The following YLPM1 variants were observed in gnomAD, a reference collection of about 807,000 sequenced individuals.
The protein encoded by YLPM1 is YLP motif-containing protein 1.
In YLPM1, 99 loss-of-function variants were observed where a neutral mutation model predicts 230.0. The ratio of observed to expected loss-of-function variants is 0.43; its 90% CI spans 0.37 to 0.51. The LOEUF (loss-of-function observed/expected upper bound fraction) is 0.51. Among genes scored for constraint, YLPM1 ranks in the 20% least tolerant of loss-of-function variants. The pLI is 0.00. For synonymous variants in YLPM1, 984 were observed against 942.5 expected (o/e 1.04, Z -0.81); for missense variants, 2,592 against 2,707.7 (o/e 0.96, Z 0.95).
At chr14:74,802,470 C>T in intron 5 of YLPM1, 86 bp from the exon 6 acceptor site, 6 of 1,459,780 alleles carry the variant, frequency 4.1e-6, no homozygotes, top group East Asian at 4.9e-5. Flanking sequence ...TTTTAGGTCT[C>T]CTTTTTTTAA....
rs2091091179 is a variant in YLPM1, at chr14:74,781,459, A to C, written c.1416A>C (p.Lys472Asn). 1 of 1,613,020 alleles carries C rather than the reference A, an allele frequency of 6.2e-7. No individual in the cohort carries two copies. Reference sequence around the variant, plus strand: ...AACAACTCCATTCCTATCCTCATAAAGATCAGCTTCAGGAGTATGAGAAGC... The same window carrying C: ...AACAACTCCATTCCTATCCTCATAACGATCAGCTTCAGGAGTATGAGAAGC... ...WEEQLHSYPH[K>N]DQLQEYEKQW... is the part of the protein sequence containing the mutation. The change falls in exon 4 of 21, where the codon AAA (lysine) becomes AAC (asparagine). Residue 472 changes from lysine to asparagine, a missense_variant. Transcript: ENST00000325680.
intron 11 of YLPM1, among the ~76,000 whole-genome samples, chr14:74,813,398 G>A (rs982369274): frequency 1.3e-5 from 2 of 150,768 alleles, no homozygotes; most frequent in Admixed American, 6.6e-5. Flanking sequence ...TGTGTCTCCT[G>A]TAGTATGCCT....
At position 74,764,104 on chromosome 14, in the gene YLPM1, T is replaced by G. The variant is rs1313025211; in HGVS notation, c.615T>G (p.Pro205=). The G allele has an allele frequency of 1.2e-6, 2 of 1,611,900 alleles. No homozygotes were observed. Among genetic ancestry groups the G allele is most frequent in the East Asian group, 2.2e-5 (1 of 44,704 alleles). The stretch of plus-strand genomic sequence containing the variant: ...CCCAATCCTACCTGGCGCCCACCCC[T>G]TCTTACTCATCCTCCTCCTCTTCCT... ...PPSQSYLAPT[P]SYSSSSSSSQ... Residue 205 remains proline, a synonymous_variant, in exon 1 of 21, where the codon CCT becomes CCG. Transcript: ENST00000325680.
At chr14:74,785,824 A>G (rs1358623526) in intron 4 of YLPM1, among the ~76,000 whole-genome samples, 2 of 152,230 alleles carry the variant, frequency 1.3e-5, no homozygotes, top group East Asian at 3.8e-4. Flanking sequence ...AAGTCATGTG[A>G]CAAAACTGCA....
intron 11 of YLPM1, among the ~76,000 whole-genome samples, chr14:74,815,366 A>T (rs1339030063): frequency 6.6e-6 from 1 of 152,068 alleles, no homozygotes; most frequent in Admixed American, 6.5e-5. Context: ...GTTCAAGACC[A>T]GCCTGGTCAA....
chr14:74,784,718 A>G (rs2091129815), intron 4 of YLPM1, among the ~76,000 whole-genome samples: 1 of 152,246 alleles, frequency 6.6e-6, no homozygotes, highest in African/African-American at 2.4e-5. Context: ...CTCTGGAGCA[A>G]CACAGAATGA....
At chr14:74,819,794 T>A (rs2091506663) in intron 16 of YLPM1, among the ~76,000 whole-genome samples, 1 of 152,230 alleles carries the variant, frequency 6.6e-6, no homozygotes, top group Admixed American at 6.5e-5. Context: ...TTTTGTGAAT[T>A]CACATTTTTC....
Position 74,810,613 on chromosome 14 carries a change from A to C in YLPM1, c.5228+193A>C, listed in dbSNP as rs142474764. Among the ~76,000 whole-genome samples the C allele has an allele frequency of 1.3e-3, 193 of 152,310 alleles. 1 individual carries two copies. The highest frequency in any genetic ancestry group is 4.6e-3 in the African/African-American group (191 of 41,554). On this transcript the variant is annotated intron_variant, in intron 9 of 20. Coordinates refer to ENST00000325680, the MANE Select transcript of YLPM1 (RefSeq NM_019589.3). ...TGGTAGCTTGAATTCCAGAGAATTA[A>C]ATGGGAGATGGAGATAGCCAGAAGG...
chr14:74,818,273 C>A lies in YLPM1; in HGVS notation c.5989C>A (p.Leu1997Ile). The change falls in exon 16 of 21, where the codon CTA (leucine) becomes ATA (isoleucine). Residue 1997 changes from leucine (L) to isoleucine (I), a missense_variant. By Grantham distance (5) the Leu-to-Ile change is conservative (BLOSUM62 2). Around this residue, in one of 4 missense-constraint regions of YLPM1, gnomAD observed 315 missense variants for 429.3 expected, o/e 0.73. Coordinates refer to ENST00000325680, the MANE Select transcript of YLPM1 (RefSeq NM_019589.3). ...WETAPRHMMR[L>I]DIRSLLQDAA... is the part of the protein sequence containing the mutation. ...AACTGCACCTCGTCACATGATGCGT[C>A]TAGATATTCGTTCTTTGCTGCAAGA... 1 of 1,606,214 alleles carries A rather than the reference C, an allele frequency of 6.2e-7. No individual in the cohort carries two copies. Among genetic ancestry groups the A allele is most frequent in the Non-Finnish European group, 8.5e-7 (1 of 1,176,556 alleles).
chr14:74,833,676 C>CTAT (rs1386928886), intron 19 of YLPM1, among the ~76,000 whole-genome samples: 1 of 152,170 alleles, frequency 6.6e-6, no homozygotes, highest in Non-Finnish European at 1.5e-5. Context: ...AGACATTGAG[C>CTAT]CATAGGTTTT....
At position 74,821,153 on chromosome 14, in the gene YLPM1, A is replaced by G. The variant is rs2091517257; in HGVS notation, c.6111+16A>G. On this transcript the variant is annotated intron_variant, in intron 17 of 20. Coordinates refer to ENST00000325680, the MANE Select transcript of YLPM1 (RefSeq NM_019589.3). ...AAGCGAACTGGTAGGAGACAGACCAACCACTTTGAACAGTGTCTCTTTATT... is the reference window on the plus strand; with the variant it reads ...AAGCGAACTGGTAGGAGACAGACCAGCCACTTTGAACAGTGTCTCTTTATT... The G allele has an allele frequency of 2.0e-6, 3 of 1,532,436 alleles. No individual in the cohort carries two copies. The highest frequency in any genetic ancestry group is 1.4e-5 in the African/African-American group (1 of 71,964). 94.9% of individuals were successfully genotyped at this position (1,532,436 alleles called of 1,614,324 possible).
intron 18 of YLPM1, chr14:74,827,811 CTG>C: frequency 1.0e-6 from 1 of 985,334 alleles, no homozygotes; most frequent in Non-Finnish European, 1.2e-6. Context: ...ACCTGTGTCC[CTG>C]TGCAGTCAGG....
In YLPM1 at chr14:74,837,066, CT is replaced by C. The variant is rs1314689037; in HGVS notation, c.*1332del. 1 of 152,148 alleles carries C rather than the reference CT, an allele frequency of 6.6e-6. No individual in the cohort carries two copies. Among genetic ancestry groups the C allele is most frequent in the Non-Finnish European group, 1.5e-5 (1 of 68,020 alleles). The allele number at this position is 152,148 out of a possible 1,614,324, so 9.4% of individuals were successfully genotyped here. A position where few individuals can be genotyped will look rare whatever the true frequency, so the allele number is the denominator to read the frequency against. On this transcript the variant is annotated 3_prime_UTR_variant, in exon 21 of 21. Coordinates refer to ENST00000325680, the MANE Select transcript of YLPM1 (RefSeq NM_019589.3). ...TCAGGCCACAGATGAAAATCCTTTA[CT>C]TTTATGACCTACATTAAAGACTGTA...
chr14:74,817,174 T>C lies in YLPM1; in HGVS notation c.5863-20T>C. 6.3e-7 allele frequency: 1 copy of C among 1,596,338 alleles called. No homozygotes were observed. Among genetic ancestry groups the C allele is most frequent in the Non-Finnish European group, 8.5e-7 (1 of 1,171,296 alleles). On this transcript the variant is annotated intron_variant, in intron 14 of 20. Coordinates refer to ENST00000325680, the MANE Select transcript of YLPM1 (RefSeq NM_019589.3). The stretch of plus-strand genomic sequence containing the variant: ...TAAATGTTATATATCTTTGCCTAAT[T>C]ATTATTCATTCTTGCTTAGGTATAT...
rs1367611649 is a variant in YLPM1, at chr14:74,763,394, C to A, written c.-96C>A. On this transcript the variant is annotated 5_prime_UTR_variant, in exon 1 of 21. Transcript: ENST00000325680. ...TACACGCTCCGGGGCCTGTAGGCGCCGCGAGTTCCGGCTGTCGCCGTCGCC... is the reference window on the plus strand; with the variant it reads ...TACACGCTCCGGGGCCTGTAGGCGCAGCGAGTTCCGGCTGTCGCCGTCGCC... 1.0e-5 allele frequency: 14 copies of A among 1,367,862 alleles called. No individual in the cohort carries two copies. The highest frequency in any genetic ancestry group is 3.1e-5 in the Admixed American group (1 of 31,880). The allele number at this position is 1,367,862 out of a possible 1,614,324, so 84.7% of individuals were successfully genotyped here.
At chr14:74,795,421 G>A (rs2091250109) in intron 4 of YLPM1, among the ~76,000 whole-genome samples, 1 of 152,148 alleles carries the variant, frequency 6.6e-6, no homozygotes, top group South Asian at 2.1e-4. Flanking sequence ...CCAAAGAAAT[G>A]AAAGAAAAAG....
Position 74,816,391 on chromosome 14 carries a change from G to T in YLPM1, c.5565+126G>T, listed in dbSNP as rs2140132818. 5 of 1,277,814 alleles carry T rather than the reference G, an allele frequency of 3.9e-6. No individual in the cohort carries two copies. The South Asian group carries it at 7.0e-5, about 18-fold the overall frequency. The allele number at this position is 1,277,814 out of a possible 1,614,324, so 79.2% of individuals were successfully genotyped here. A position where few individuals can be genotyped will look rare whatever the true frequency, so the allele number is the denominator to read the frequency against. On this transcript the variant is annotated intron_variant, in intron 12 of 20. Coordinates refer to ENST00000325680, the MANE Select transcript of YLPM1 (RefSeq NM_019589.3). ...TCTTCCATTTGATCCATTACAGTTG[G>T]CCCATGTGGTAGATGTTGTCCCATA...
In YLPM1 at chr14:74,809,405, C is replaced by G. The variant is rs535283513; in HGVS notation, c.4547C>G (p.Pro1516Arg). Residue 1516 changes from proline to arginine, a missense_variant, in exon 7 of 21, where the codon CCT (proline) becomes CGT (arginine). Coordinates refer to ENST00000325680, the MANE Select transcript of YLPM1 (RefSeq NM_019589.3). ...YPPPGSYRPP[P>R]PMGKPPGSIV... ...CCTCCAGGGTCGTATAGACCTCCCC[C>G]TCCTATGGGCAAACCACCAGGTTCA... 4 of 1,609,190 alleles carry G rather than the reference C, an allele frequency of 2.5e-6. No homozygotes were observed. The Admixed American group carries it at 5.1e-5, about 20-fold the overall frequency.
chr14:74,826,968 C>G (rs1594846724), intron 18 of YLPM1, among the ~76,000 whole-genome samples: 1 of 152,214 alleles, frequency 6.6e-6, no homozygotes, highest in African/African-American at 2.4e-5. Context: ...TTTCTCATCT[C>G]AGTGTCATTT....
Sources: gnomAD v4.1 joint callset for allele counts (sites outside exome capture counted in the v4.1 genomes callset) on GRCh38, gnomAD v4.1.1 for gene constraint, gnomAD v4.1.1 regional missense constraint, MANE v1.5 for transcripts, NCBI Gene and HGNC (gene_info 2026-07-23, HGNC 2026-07-21) for gene names.